DNAJC21: variants seen among roughly 807,000 people sequenced by gnomAD.
DNAJC21 encodes the protein DnaJ heat shock protein family (Hsp40) member C21.
In DNAJC21, 63 loss-of-function variants were observed where a neutral mutation model predicts 72.4. That is an observed-to-expected ratio of 0.87 (90% confidence interval 0.71 to 1.07). The LOEUF (loss-of-function observed/expected upper bound fraction) is 1.07. DNAJC21 is among the 50% of genes least tolerant of loss of function. DNAJC21 has a pLI of 0.00. For missense variants in DNAJC21, 634 were observed against 644.8 expected, an observed-to-expected ratio of 0.98 and a Z score of 0.18; for synonymous variants, 203 against 216.7, an observed-to-expected ratio of 0.94 and a Z score of 0.56.
intron 11 of DNAJC21, 131 bp downstream of exon 11, chr5:34,954,132 G>A: frequency 1.3e-6 from 1 of 747,754 alleles, no homozygotes; most frequent in Non-Finnish European, 2.0e-6. Context: ...TCCATCAACA[G>A]TTTTGTTTGA....
intron 10 of DNAJC21, chr5:34,950,789 G>T (rs1765338701): frequency 3.0e-6 from 3 of 987,704 alleles, no homozygotes. Flanking sequence ...TTCCTGCTCA[G>T]AGGAGCCCTG....
chr5:34,941,308 C>T, intron 7 of DNAJC21, 125 bp downstream of exon 7: 1 of 814,604 alleles, frequency 1.2e-6, no homozygotes, highest in East Asian at 2.7e-5. Flanking sequence ...GATGATCCTC[C>T]CATGTCAGCC....
At chr5:34,944,096 C>T (rs1765090745) in intron 7 of DNAJC21, among the ~76,000 whole-genome samples, 1 of 152,182 alleles carries the variant, frequency 6.6e-6, no homozygotes, top group Admixed American at 6.5e-5. Context: ...AAGTTTCCTG[C>T]TTTTTAGTTG....
intron 2 of DNAJC21, among the ~76,000 whole-genome samples, chr5:34,934,912 A>G (rs1373762860): frequency 2.0e-5 from 3 of 152,198 alleles, no homozygotes; most frequent in East Asian, 3.8e-4. Flanking sequence ...TACTCAAGGA[A>G]TTTGGAGATC....
intron 9 of DNAJC21, among the ~76,000 whole-genome samples, chr5:34,948,856 C>CT (rs1311628698): frequency 6.6e-6 from 1 of 150,606 alleles, no homozygotes; most frequent in Non-Finnish European, 1.5e-5. Context: ...CAGAGCAAGA[C>CT]TGTCTCAAAA....
At position 34,934,544 on chromosome 5, in the gene DNAJC21, A is replaced by G. The variant is rs539135403; in HGVS notation, c.191+636A>G. Among the ~76,000 whole-genome samples the G allele has an allele frequency of 6.6e-5, 10 of 152,214 alleles. No individual in the cohort carries two copies. The South Asian group carries it at 2.1e-3, about 32-fold the overall frequency. ...CTGTGCTCAACCAATACAGTGTTTT[A>G]ATACAAGAATGGTAATCCTCAAAAC... On this transcript the variant is annotated intron_variant, in intron 2 of 11. Transcript: ENST00000648817.
intron 9 of DNAJC21, chr5:34,949,654 A>G: frequency 6.2e-7 from 1 of 1,613,676 alleles, no homozygotes; most frequent in Non-Finnish European, 8.5e-7. Context: ...CAAATGTGCC[A>G]AAATGTTGCT....
At chr5:34,952,095 C>T in intron 10 of DNAJC21, 1 of 984,908 alleles carries the variant, frequency 1.0e-6, no homozygotes, top group Non-Finnish European at 1.2e-6. Context: ...GGACACTGGC[C>T]ACCTACTGAG....
chr5:34,935,693 T>C lies in DNAJC21; in HGVS notation c.192-17T>C. On this transcript the variant is annotated splice_polypyrimidine_tract_variant and intron_variant, in intron 2 of 11. Transcript: ENST00000648817. Reference sequence around the variant, plus strand: ...ACTTATTCAGCCTTCACAATGATGCTAATTTTTGTTTTTCAGGTATGATAA... The same window carrying C: ...ACTTATTCAGCCTTCACAATGATGCCAATTTTTGTTTTTCAGGTATGATAA... 1.2e-6 allele frequency: 2 copies of C among 1,613,716 alleles called. No individual in the cohort carries two copies. Among genetic ancestry groups the C allele is most frequent in the Non-Finnish European group, 1.7e-6 (2 of 1,179,780 alleles).
In DNAJC21 at chr5:34,954,098, G is replaced by A. The variant is rs541956504; in HGVS notation, c.1434+97G>A. 3.3e-5 allele frequency: 36 copies of A among 1,075,406 alleles called. 1 individual carries two copies. In the South Asian group the frequency reaches 5.0e-4, roughly 15 times the overall value. The allele number at this position is 1,075,406 out of a possible 1,614,324, so 66.6% of individuals were successfully genotyped here. On this transcript the variant is annotated intron_variant, in intron 11 of 11. Coordinates refer to ENST00000648817, the MANE Select transcript of DNAJC21 (RefSeq NM_001012339.3). The stretch of plus-strand genomic sequence containing the variant: ...AAATGTGTATTTGGTGAGCCATTCC[G>A]CAAAGAGCCTGCAAAGATGTGGATC...
Position 34,937,571 on chromosome 5 carries a change from T to G in DNAJC21, c.684T>G (p.Asn228Lys). 6.2e-7 allele frequency: 1 copy of G among 1,613,828 alleles called. No individual in the cohort carries two copies. The change falls in exon 5 of 12, where the codon AAT becomes AAG. Residue 228 changes from asparagine (N) to lysine (K), a missense_variant. Coordinates refer to ENST00000648817, the MANE Select transcript of DNAJC21 (RefSeq NM_001012339.3). ...ATCGAAAACTTGTGGAAGAACAGAATGCAGAGAAGGCGAGGAAAGCCGAAG... is the reference window on the plus strand; with the variant it reads ...ATCGAAAACTTGTGGAAGAACAGAAGGCAGAGAAGGCGAGGAAAGCCGAAG... ...QAHRKLVEEQNAEKARKAEEM... is the reference protein window; with the variant it reads ...QAHRKLVEEQKAEKARKAEEM...
chr5:34,947,516 A>G (rs1765207825), intron 9 of DNAJC21, among the ~76,000 whole-genome samples: 1 of 152,116 alleles, frequency 6.6e-6, no homozygotes, highest in South Asian at 2.1e-4. Context: ...TCCAAGACCC[A>G]TGTCATTTCT....
intron 9 of DNAJC21, chr5:34,949,452 T>C (rs1765282062): frequency 1.2e-5 from 19 of 1,526,962 alleles, no homozygotes; most frequent in Non-Finnish European, 1.7e-5. Context: ...AAGGAGTAAT[T>C]GGTAAATTTG....
At position 34,945,003 on chromosome 5, in the gene DNAJC21, A is replaced by G. The variant is rs1765125965; in HGVS notation, c.1120A>G (p.Met374Val). The G allele has an allele frequency of 6.2e-7, 1 of 1,613,608 alleles. No homozygotes were observed. Among genetic ancestry groups the G allele is most frequent in the African/African-American group, 1.3e-5 (1 of 74,988 alleles). The change falls in exon 8 of 12, where the codon ATG (methionine) becomes GTG (valine). Residue 374 changes from methionine to valine, a missense_variant. Coordinates refer to ENST00000648817, the MANE Select transcript of DNAJC21 (RefSeq NM_001012339.3). Reference protein sequence around the residue: ...NPLDDNSEEEMEDAPKQKLSK... With the variant: ...NPLDDNSEEEVEDAPKQKLSK... ...ATTAGATGACAATTCTGAGGAAGAA[A>G]TGGAAGATGCACCAAAACAAAAGTA...
intron 9 of DNAJC21, among the ~76,000 whole-genome samples, chr5:34,946,580 A>G (rs1035964857): frequency 6.6e-6 from 1 of 152,166 alleles, no homozygotes; most frequent in Non-Finnish European, 1.5e-5. Flanking sequence ...TCCTATTCAA[A>G]AAATGATATA....
rs778531830 is a variant in DNAJC21 at position 34,938,880 on chromosome 5, C to A, written c.766C>A (p.Gln256Lys). 1.8e-5 allele frequency: 29 copies of A among 1,613,852 alleles called. No homozygotes were observed. Among genetic ancestry groups the A allele is most frequent in the Non-Finnish European group, 2.5e-5 (29 of 1,179,982 alleles). The stretch of plus-strand genomic sequence containing the variant: ...TAGACTGGTGGAGCAGTACAGAGAA[C>A]AGAGCTGGATGACTATGGCCAATTT... ...QAKLVEQYRE[Q>K]SWMTMANLEK... The change falls in exon 6 of 12, where the codon CAG (glutamine) becomes AAG (lysine). Residue 256 changes from glutamine to lysine, a missense_variant. Physicochemically the swap from Gln to Lys is moderately conservative, Grantham distance 53 (BLOSUM62 1). Transcript: ENST00000648817.
At chr5:34,930,486 T>C (rs1171982226) in intron 1 of DNAJC21, 1 of 152,166 alleles carries the variant, frequency 6.6e-6, no homozygotes, top group East Asian at 1.9e-4. Context: ...AAGCAGACCT[T>C]GTACTTCACT....
At chr5:34,930,923 G>A (rs1764568097) in intron 1 of DNAJC21, among the ~76,000 whole-genome samples, 1 of 152,204 alleles carries the variant, frequency 6.6e-6, no homozygotes, top group South Asian at 2.1e-4. Context: ...ACTAATATAT[G>A]CTCCAGGAAT....
chr5:34,950,907 C>T (rs1765342534), intron 10 of DNAJC21: 1 of 985,538 alleles, frequency 1.0e-6, no homozygotes, highest in Non-Finnish European at 1.2e-6. Flanking sequence ...CTTTCTTTTC[C>T]CCATCCTCCT....
Sources: gnomAD v4.1 joint callset for allele counts (sites outside exome capture counted in the v4.1 genomes callset) on GRCh38, gnomAD v4.1.1 for gene constraint, MANE v1.5 for transcripts, NCBI Gene and HGNC (gene_info 2026-07-23, HGNC 2026-07-21) for gene names.